Variants in GAP43 observed in about 807,000 individuals in gnomAD.
GAP43 encodes neuromodulin.
Under a neutral mutation model 18.6 loss-of-function variants are expected in GAP43, and 6 were observed. That is an observed-to-expected ratio of 0.32 (90% CI 0.18 to 0.64). The LOEUF is 0.64. Among genes scored for constraint, GAP43 ranks in the 30% least tolerant of loss-of-function variants. The probability of loss-of-function intolerance (pLI) is 0.78; values close to 1 mark genes in which losing one functional copy is unlikely to be tolerated. For missense variants in GAP43, 292 were observed against 295.5 expected (o/e 0.99, Z 0.09); for synonymous variants, 115 against 111.4 (o/e 1.03, Z -0.20).
intron 2 of GAP43, among the ~76,000 whole-genome samples, chr3:115,710,208 T>C (rs1190101751): frequency 6.6e-6 from 1 of 152,034 alleles, no homozygotes; most frequent in Non-Finnish European, 1.5e-5. Context: ...AAGTTTGCTT[T>C]CTGGGAAATC....
chr3:115,689,994 C>G (rs1331143104), intron 2 of GAP43, among the ~76,000 whole-genome samples: 1 of 152,200 alleles, frequency 6.6e-6, no homozygotes, highest in South Asian at 2.1e-4. Context: ...CAAGAGACAG[C>G]CGTGGTTTTC....
At chr3:115,678,255 A>G (rs1708918826) in intron 2 of GAP43, among the ~76,000 whole-genome samples, 1 of 152,198 alleles carries the variant, frequency 6.6e-6, no homozygotes, top group Non-Finnish European at 1.5e-5. Flanking sequence ...TGTCATTTTC[A>G]TACATCTTAG....
chr3:115,659,143 G>T (rs1319120153), intron 1 of GAP43, among the ~76,000 whole-genome samples: 1 of 152,038 alleles, frequency 6.6e-6, no homozygotes, highest in Non-Finnish European at 1.5e-5. Context: ...CGGCAGGAAG[G>T]TTTCTTTGTC....
intron 1 of GAP43, among the ~76,000 whole-genome samples, chr3:115,660,231 TG>T (rs528065844): frequency 1.8e-4 from 27 of 152,296 alleles, no homozygotes; most frequent in South Asian, 1.2e-3. Context: ...CGGAGAAGTT[TG>T]GTGCTCTCTC....
intron 1 of GAP43, among the ~76,000 whole-genome samples, chr3:115,627,424 A>G (rs1263283889): frequency 7.9e-5 from 12 of 151,342 alleles, no homozygotes; most frequent in Admixed American, 7.9e-4. Flanking sequence ...GTTTCAAGCT[A>G]AAGGGCAGTA....
chr3:115,676,236 C>T lies in GAP43; in HGVS notation c.254C>T (p.Thr85Ile), dbSNP rs1372920789. 1.2e-6 allele frequency: 2 copies of T among 1,614,132 alleles called. No homozygotes were observed. Among genetic ancestry groups the T allele is most frequent in the East Asian group, 4.5e-5 (2 of 44,860 alleles). The change falls in exon 2 of 3, where the codon ACC (threonine) becomes ATC (isoleucine). Residue 85 changes from threonine (T) to isoleucine (I), a missense_variant. Physicochemically the swap from Thr to Ile is moderately conservative, Grantham distance 89. Coordinates refer to ENST00000305124, the MANE Select transcript of GAP43 (RefSeq NM_002045.4). ...GGGGTGGAGAAGAAGGGAGAAGGCA[C>T]CACTACTGCCGAAGCAGCCCCAGCC... Reference protein sequence around the residue: ...ADGVEKKGEGTTTAEAAPATG... With the variant: ...ADGVEKKGEGITTAEAAPATG...
chr3:115,711,754 A>G (rs1709442012), intron 2 of GAP43, among the ~76,000 whole-genome samples: 1 of 152,122 alleles, frequency 6.6e-6, no homozygotes, highest in Non-Finnish European at 1.5e-5. Flanking sequence ...TTCCACTGCC[A>G]GCTCAGCATG....
rs1666620672 is a variant in GAP43 at position 115,623,544 on chromosome 3, G to A, written c.-146G>A. 4 of 937,202 alleles carry A rather than the reference G, an allele frequency of 4.3e-6. No homozygotes were observed. The Admixed American group carries it at 6.2e-5, about 14-fold the overall frequency. The allele number at this position is 937,202 out of a possible 1,614,324, so 58.1% of individuals were successfully genotyped here. On this transcript the variant is annotated 5_prime_UTR_variant, in exon 1 of 3. Transcript: ENST00000305124. ...GCTAACTGCCCTGGTGTGTGTGAGG[G>A]AGAGAGAGGGAGGGAGGGAGAGAGA...
intron 1 of GAP43, among the ~76,000 whole-genome samples, chr3:115,673,809 C>T (rs1708843467): frequency 6.6e-6 from 1 of 152,166 alleles, no homozygotes; most frequent in Non-Finnish European, 1.5e-5. Context: ...GGATGGGCCT[C>T]TCCAAAGTGC....
intron 2 of GAP43, 91 bp downstream of exon 2, chr3:115,676,701 G>A (rs568654236): frequency 3.5e-4 from 458 of 1,295,314 alleles, no homozygotes; most frequent in South Asian, 2.5e-3. Context: ...TGAGGGAGAG[G>A]AAAAAGTCTA....
intron 2 of GAP43, among the ~76,000 whole-genome samples, chr3:115,714,898 T>C (rs937068465): frequency 1.4e-5 from 2 of 141,436 alleles, no homozygotes; most frequent in African/African-American, 5.6e-5. Context: ...CACACACACA[T>C]ACAGCCCGAG....
At chr3:115,670,608 C>T (rs1169146241) in intron 1 of GAP43, among the ~76,000 whole-genome samples, 1 of 152,046 alleles carries the variant, frequency 6.6e-6, no homozygotes, top group Non-Finnish European at 1.5e-5. Context: ...GCACATTTTC[C>T]CTAAAGTCAA....
intron 1 of GAP43, among the ~76,000 whole-genome samples, chr3:115,661,831 C>CTTT (rs56209932): frequency 9.4e-5 from 10 of 105,952 alleles, no homozygotes; most frequent in African/African-American, 3.7e-4. Flanking sequence ...GAAACTAGGG[C>CTTT]TTTTTTTTTT....
intron 1 of GAP43, among the ~76,000 whole-genome samples, chr3:115,649,802 C>A (rs1643871653): frequency 1.6e-5 from 2 of 127,226 alleles, no homozygotes; most frequent in South Asian, 6.1e-4. Context: ...ATAGTGAGAC[C>A]CTGTCTCTAA....
At chr3:115,670,101 G>GT (rs1708797349) in intron 1 of GAP43, among the ~76,000 whole-genome samples, 1 of 132,764 alleles carries the variant, frequency 7.5e-6, no homozygotes, top group South Asian at 2.6e-4. Context: ...ACCCACTAAC[G>GT]TGTCATCTAG....
chr3:115,647,654 G>A (rs1708472076), intron 1 of GAP43, among the ~76,000 whole-genome samples: 1 of 151,522 alleles, frequency 6.6e-6, no homozygotes, highest in South Asian at 2.1e-4. Flanking sequence ...CTAAAAAATA[G>A]TGGAGAGTGT....
intron 2 of GAP43, among the ~76,000 whole-genome samples, chr3:115,719,073 T>C (rs1399992071): frequency 6.6e-6 from 1 of 152,240 alleles, no homozygotes; most frequent in Non-Finnish European, 1.5e-5. Context: ...AGCTGTATTA[T>C]GTTCCTTGCT....
intron 2 of GAP43, among the ~76,000 whole-genome samples, chr3:115,692,565 C>T (rs1319817354): frequency 6.6e-6 from 1 of 152,118 alleles, no homozygotes; most frequent in Non-Finnish European, 1.5e-5. Flanking sequence ...AATTCAGAGA[C>T]CACGATAGTG....
At position 115,662,898 on chromosome 3, in the gene GAP43, A is replaced by G. The variant is rs1015615215; in HGVS notation, c.31-13115A>G. Among the ~76,000 whole-genome samples the G allele has an allele frequency of 2.0e-5, 3 of 152,216 alleles. No individual in the cohort carries two copies. In the East Asian group the frequency reaches 5.8e-4, roughly 29 times the overall value. ...CAATTTAGCCAAATTCTTTCATTCAAAGATTAGATTATTATTAATCCCTGA... is the reference window on the plus strand; with the variant it reads ...CAATTTAGCCAAATTCTTTCATTCAGAGATTAGATTATTATTAATCCCTGA... On this transcript the variant is annotated intron_variant, in intron 1 of 2. Transcript: ENST00000305124.
Sources: gnomAD v4.1 joint callset for allele counts (sites outside exome capture counted in the v4.1 genomes callset) on GRCh38, gnomAD v4.1.1 for gene constraint, MANE v1.5 for transcripts, NCBI Gene and HGNC (gene_info 2026-07-23, HGNC 2026-07-21) for gene names.